NOS1AP: variants seen among roughly 807,000 people sequenced by gnomAD.
NOS1AP encodes the protein nitric oxide synthase 1 adaptor protein.
In NOS1AP, 21 loss-of-function variants were observed where a neutral mutation model predicts 56.2. The observed-to-expected ratio is 0.37, with a 90% CI of 0.26 to 0.54. The LOEUF is 0.54. NOS1AP is among the 20% of genes least tolerant of loss of function. The pLI, the probability that NOS1AP is intolerant of heterozygous loss-of-function variation, is 0.84. For synonymous variants in NOS1AP, 270 were observed against 274.6 expected (o/e 0.98, Z 0.17); for missense variants, 522 against 657.8 (o/e 0.79, Z 2.26).
chr1:162,108,245 G>T (rs75642890), intron 1 of NOS1AP, among the ~76,000 whole-genome samples: 1 of 152,146 alleles, frequency 6.6e-6, no homozygotes, highest in Non-Finnish European at 1.5e-5. Context: ...CAGCAAGCAG[G>T]GAAACTCTGG....
chr1:162,270,320 C>T (rs1047888318), intron 2 of NOS1AP, among the ~76,000 whole-genome samples: 4 of 152,074 alleles, frequency 2.6e-5, no homozygotes, highest in Non-Finnish European at 5.9e-5. Context: ...TTGAAAACCC[C>T]GTAATAGATG....
intron 1 of NOS1AP, among the ~76,000 whole-genome samples, chr1:162,096,339 C>T (rs532717485): frequency 1.3e-5 from 2 of 152,354 alleles, no homozygotes; most frequent in African/African-American, 4.8e-5. Context: ...ACTTTGCCCT[C>T]ATATCAAACC....
intron 1 of NOS1AP, among the ~76,000 whole-genome samples, chr1:162,140,558 C>G (rs557372597): frequency 6.6e-6 from 1 of 152,300 alleles, no homozygotes; most frequent in East Asian, 1.9e-4. Flanking sequence ...CGATGGACAC[C>G]TGGATTGATT....
intron 7 of NOS1AP, among the ~76,000 whole-genome samples, chr1:162,356,257 G>A (rs1413665159): frequency 6.6e-6 from 1 of 152,228 alleles, no homozygotes; most frequent in African/African-American, 2.4e-5. Context: ...CCCTGCCATG[G>A]AATTCTATGA....
chr1:162,333,744 G>A (rs1448763367), intron 5 of NOS1AP, among the ~76,000 whole-genome samples: 1 of 152,136 alleles, frequency 6.6e-6, no homozygotes, highest in Admixed American at 6.5e-5. Flanking sequence ...AAAATGAAAA[G>A]AATCGTCAAA....
intron 1 of NOS1AP, among the ~76,000 whole-genome samples, chr1:162,123,771 C>G (rs984995646): frequency 2.6e-5 from 4 of 152,100 alleles, no homozygotes; most frequent in African/African-American, 9.7e-5. Flanking sequence ...ATTCATTGAT[C>G]CCTTCATCTA....
At chr1:162,235,489 G>A (rs901491054) in intron 2 of NOS1AP, among the ~76,000 whole-genome samples, 3 of 152,308 alleles carry the variant, frequency 2.0e-5, no homozygotes, top group Middle Eastern at 3.4e-3. Context: ...CTGGAAAGGG[G>A]CCATGGGGAG....
At chr1:162,234,955 T>C (rs1653239144) in intron 2 of NOS1AP, among the ~76,000 whole-genome samples, 1 of 152,158 alleles carries the variant, frequency 6.6e-6, no homozygotes, top group South Asian at 2.1e-4. Flanking sequence ...CGCTGGTTGT[T>C]TTATGCCCTG....
chr1:162,331,175 G>A (rs754050989), intron 4 of NOS1AP, among the ~76,000 whole-genome samples: 9 of 152,128 alleles, frequency 5.9e-5, no homozygotes, highest in Non-Finnish European at 1.3e-4. Flanking sequence ...ATCATTAGAA[G>A]GATAGGGGAC....
intron 4 of NOS1AP, among the ~76,000 whole-genome samples, chr1:162,328,102 C>G (rs1656651475): frequency 6.6e-6 from 1 of 152,202 alleles, no homozygotes; most frequent in Non-Finnish European, 1.5e-5. Context: ...CAAGCCCATG[C>G]TCTTTCCACA....
intron 6 of NOS1AP, among the ~76,000 whole-genome samples, chr1:162,354,288 G>C (rs1029511477): frequency 6.6e-6 from 1 of 152,212 alleles, no homozygotes; most frequent in Non-Finnish European, 1.5e-5. Flanking sequence ...AAAGACGGCA[G>C]TAATTAACCT....
At chr1:162,155,238 A>G (rs991110473) in intron 2 of NOS1AP, among the ~76,000 whole-genome samples, 8 of 17,488 alleles carry the variant, frequency 4.6e-4, no homozygotes, top group Non-Finnish European at 2.6e-3. Context: ...ATATATATAC[A>G]TATACATATA....
At chr1:162,135,031 T>G (rs1391242856) in intron 1 of NOS1AP, among the ~76,000 whole-genome samples, 1 of 152,204 alleles carries the variant, frequency 6.6e-6, no homozygotes, top group Non-Finnish European at 1.5e-5. Flanking sequence ...TCCAACCAAC[T>G]ATTTATCCTT....
At chr1:162,350,907 T>C (rs1657469277) in intron 6 of NOS1AP, among the ~76,000 whole-genome samples, 1 of 152,216 alleles carries the variant, frequency 6.6e-6, no homozygotes, top group Admixed American at 6.5e-5. Flanking sequence ...AAATCTGAAA[T>C]GCTCCAAGAT....
At chr1:162,283,755 A>T (rs1192496469) in intron 2 of NOS1AP, among the ~76,000 whole-genome samples, 2 of 152,114 alleles carry the variant, frequency 1.3e-5, no homozygotes, top group Admixed American at 6.5e-5. Context: ...GTGTTCCAGG[A>T]CTTGCATTGT....
At chr1:162,107,406 G>A (rs536277851) in intron 1 of NOS1AP, among the ~76,000 whole-genome samples, 2 of 152,312 alleles carry the variant, frequency 1.3e-5, no homozygotes, top group African/African-American at 4.8e-5. Context: ...CATGGTCATA[G>A]CTCACTGTAA....
At chr1:162,243,078 T>C (rs1653541082) in intron 2 of NOS1AP, among the ~76,000 whole-genome samples, 1 of 152,182 alleles carries the variant, frequency 6.6e-6, no homozygotes, top group Non-Finnish European at 1.5e-5. Context: ...AGCCTACTGT[T>C]CTCAGTCTTC....
intron 1 of NOS1AP, among the ~76,000 whole-genome samples, chr1:162,105,734 G>A (rs1446408816): frequency 3.3e-5 from 5 of 152,298 alleles, no homozygotes; most frequent in Admixed American, 1.3e-4. Flanking sequence ...TCTCTGGACC[G>A]CCTGTATTCT....
rs35637289 is a variant in NOS1AP, at chr1:162,255,490, A to ATTTTTTT, written c.178-31825_178-31819dup. Among the ~76,000 whole-genome samples, 58 of 60,980 alleles carry ATTTTTTT rather than the reference A, an allele frequency of 9.5e-4. 2 individuals carry two copies. Among genetic ancestry groups the ATTTTTTT allele is most frequent in the African/African-American group, 1.6e-3 (31 of 19,896 alleles). The allele number at this position is 60,980 out of a possible 152,430, so 40.0% of individuals were successfully genotyped here. Reference sequence around the variant, plus strand: ...ATGCATAGGTTATTTGCTGCTGCTGATTTTTTTTTTTTTTTTTTTTTTTTT... The same window carrying ATTTTTTT: ...ATGCATAGGTTATTTGCTGCTGCTGATTTTTTTTTTTTTTTTTTTTTTTTTTTTTTTT... On this transcript the variant is annotated intron_variant, in intron 2 of 9. Transcript: ENST00000361897.
Sources: allele counts gnomAD v4.1 joint callset (sites outside exome capture counted in the v4.1 genomes callset), GRCh38; gene constraint gnomAD v4.1.1; transcripts MANE v1.5; gene names NCBI Gene and HGNC (gene_info 2026-07-23, HGNC 2026-07-21).